GALNTL6: variants seen among roughly 807,000 people sequenced by gnomAD.
The protein encoded by GALNTL6 is polypeptide N-acetylgalactosaminyltransferase like 6.
GALNTL6 carries 46 observed loss-of-function variants against 73.7 expected under a neutral mutation model. That is an observed-to-expected ratio of 0.62 (90% confidence interval 0.49 to 0.80). GALNTL6 has a LOEUF of 0.80. Ranked by LOEUF, GALNTL6 falls within the 30% of genes least tolerant of loss-of-function variation. The pLI, the probability that GALNTL6 is intolerant of heterozygous loss-of-function variation, is 0.00. For missense variants in GALNTL6, 604 were observed against 755.0 expected (o/e 0.80, Z 2.34); for synonymous variants, 259 against 263.7 (o/e 0.98, Z 0.17).
At chr4:172,194,888 T>C (rs1162266144) in intron 2 of GALNTL6, among the ~76,000 whole-genome samples, 1 of 152,106 alleles carries the variant, frequency 6.6e-6, no homozygotes, top group Non-Finnish European at 1.5e-5. Flanking sequence ...ACTACATTAA[T>C]AAGTCTGCAA....
intron 2 of GALNTL6, among the ~76,000 whole-genome samples, chr4:171,923,048 T>G (rs1236742781): frequency 6.6e-6 from 1 of 152,036 alleles, no homozygotes; most frequent in African/African-American, 2.4e-5. Flanking sequence ...CAGGAGAAAT[T>G]ACCACAAATA....
chr4:172,322,445 T>C (rs543637174), intron 4 of GALNTL6, among the ~76,000 whole-genome samples: 1 of 152,260 alleles, frequency 6.6e-6, no homozygotes, highest in African/African-American at 2.4e-5. Flanking sequence ...TTATGGAATA[T>C]GAATGTATGA....
intron 10 of GALNTL6, among the ~76,000 whole-genome samples, chr4:172,955,681 C>T (rs755199787): frequency 9.2e-5 from 14 of 152,152 alleles, no homozygotes; most frequent in Non-Finnish European, 1.8e-4. Context: ...CCTGTGAAGA[C>T]ACCACCAAAC....
At chr4:172,321,359 A>G (rs1185999954) in intron 4 of GALNTL6, among the ~76,000 whole-genome samples, 1 of 152,192 alleles carries the variant, frequency 6.6e-6, no homozygotes, top group Non-Finnish European at 1.5e-5. Context: ...GCTAAAATAT[A>G]TCATCTGAAA....
chr4:172,315,057 C>A (rs1740496145), intron 4 of GALNTL6, among the ~76,000 whole-genome samples: 1 of 152,108 alleles, frequency 6.6e-6, no homozygotes, highest in Non-Finnish European at 1.5e-5. Flanking sequence ...GGCATGTGTG[C>A]AATAATTTGA....
chr4:172,934,391 A>G (rs780481127), intron 9 of GALNTL6, among the ~76,000 whole-genome samples: 16 of 152,184 alleles, frequency 1.1e-4, no homozygotes, highest in Non-Finnish European at 1.8e-4. Flanking sequence ...ACTTAATAAC[A>G]TCTTTTTATG....
At chr4:172,147,882 T>C (rs1327027718) in intron 2 of GALNTL6, among the ~76,000 whole-genome samples, 1 of 152,184 alleles carries the variant, frequency 6.6e-6, no homozygotes, top group East Asian at 1.9e-4. Flanking sequence ...TTTTACTCCA[T>C]GCTTCTGCAA....
chr4:172,395,030 G>A (rs140129645), intron 5 of GALNTL6, among the ~76,000 whole-genome samples: 2 of 152,258 alleles, frequency 1.3e-5, no homozygotes, highest in African/African-American at 4.8e-5. Flanking sequence ...TTTTTAGTCT[G>A]TGTTATCAGG....
chr4:172,387,933 T>G, intron 5 of GALNTL6, among the ~76,000 whole-genome samples: 1 of 152,164 alleles, frequency 6.6e-6, no homozygotes, highest in Non-Finnish European at 1.5e-5. Flanking sequence ...CCATAAATAT[T>G]ACTTTCCTCT....
At chr4:172,743,368 T>C (rs746597899) in intron 5 of GALNTL6, among the ~76,000 whole-genome samples, 12 of 141,308 alleles carry the variant, frequency 8.5e-5, no homozygotes, top group Non-Finnish European at 1.4e-4. Context: ...TATCCTAATA[T>C]AGTATATGTT....
At chr4:172,315,604 C>T (rs1478226602) in intron 4 of GALNTL6, among the ~76,000 whole-genome samples, 1 of 152,190 alleles carries the variant, frequency 6.6e-6, no homozygotes, top group African/African-American at 2.4e-5. Context: ...TTTAAATACT[C>T]ACTCCCTTCT....
In GALNTL6 at chr4:172,337,222, C is replaced by A. The variant is rs184589700; in HGVS notation, c.387-11301C>A. On this transcript the variant is annotated intron_variant, in intron 4 of 12. Coordinates refer to ENST00000506823, the MANE Select transcript of GALNTL6 (RefSeq NM_001034845.3). ...GGACGGGTCATTTTTTTTTTTAATC[C>A]AGCTTGGCACCCTGTACCTTTTAAG... is the stretch of plus-strand genomic sequence containing the variant. Among the ~76,000 whole-genome samples, 34 of 151,260 alleles carry A rather than the reference C, an allele frequency of 2.2e-4. No homozygotes were observed. The East Asian group carries it at 5.1e-3, about 22-fold the overall frequency.
At chr4:172,819,898 A>G (rs949522788) in intron 7 of GALNTL6, among the ~76,000 whole-genome samples, 1 of 152,202 alleles carries the variant, frequency 6.6e-6, no homozygotes, top group African/African-American at 2.4e-5. Context: ...TAGGGAAAAA[A>G]CCTTCAGAGA....
chr4:172,915,562 G>C (rs1232798292), intron 8 of GALNTL6, among the ~76,000 whole-genome samples: 1 of 152,010 alleles, frequency 6.6e-6, no homozygotes, highest in Non-Finnish European at 1.5e-5. Flanking sequence ...ATGATGAAGG[G>C]GATATCACCA....
intron 5 of GALNTL6, among the ~76,000 whole-genome samples, chr4:172,804,398 G>A (rs1740833177): frequency 6.6e-6 from 1 of 152,146 alleles, no homozygotes. Flanking sequence ...CAACACCAAT[G>A]TATAAACATC....
chr4:171,921,412 T>C (rs971823852), intron 2 of GALNTL6, among the ~76,000 whole-genome samples: 1 of 152,006 alleles, frequency 6.6e-6, no homozygotes, highest in African/African-American at 2.4e-5. Context: ...TGTGGGTAGA[T>C]AGAGGGATGG....
chr4:172,300,639 T>A (rs929497691), intron 3 of GALNTL6, among the ~76,000 whole-genome samples: 8 of 152,310 alleles, frequency 5.3e-5, no homozygotes, highest in African/African-American at 1.9e-4. Flanking sequence ...AAGCTTAGTT[T>A]GGCAGGATTT....
intron 2 of GALNTL6, among the ~76,000 whole-genome samples, chr4:172,020,929 C>T (rs562206361): frequency 6.6e-6 from 1 of 152,072 alleles, no homozygotes; most frequent in Admixed American, 6.6e-5. Context: ...CTGAATTCAA[C>T]AACACATTGA....
intron 7 of GALNTL6, among the ~76,000 whole-genome samples, chr4:172,823,822 T>C (rs1742074834): frequency 6.6e-6 from 1 of 152,192 alleles, no homozygotes; most frequent in East Asian, 1.9e-4. Flanking sequence ...ATTAAAATCA[T>C]TTTTAAAACC....
Sources: gnomAD v4.1 joint callset for allele counts (sites outside exome capture counted in the v4.1 genomes callset) on GRCh38, gnomAD v4.1.1 for gene constraint, MANE v1.5 for transcripts, NCBI Gene and HGNC (gene_info 2026-07-23, HGNC 2026-07-21) for gene names.